Variants in CAMK4 observed in about 807,000 individuals in gnomAD.
CAMK4 encodes calcium/calmodulin-dependent protein kinase type IV.
Under a neutral mutation model 44.9 loss-of-function variants are expected in CAMK4, and 22 were observed. That is an observed-to-expected ratio of 0.49 (90% CI 0.35 to 0.70). The LOEUF (loss-of-function observed/expected upper bound fraction) is 0.70, where lower values mean the gene tolerates loss of function less well. CAMK4 is among the 30% of genes least tolerant of loss of function. CAMK4 has a pLI of 0.01. For missense variants in CAMK4, 498 were observed against 586.8 expected, an observed-to-expected ratio of 0.85 and a Z score of 1.56; for synonymous variants, 218 against 215.4, an observed-to-expected ratio of 1.01 and a Z score of -0.11.
At chr5:111,359,932 T>G (rs946389242) in intron 2 of CAMK4, among the ~76,000 whole-genome samples, 4 of 152,092 alleles carry the variant, frequency 2.6e-5, no homozygotes, top group African/African-American at 9.7e-5. Context: ...ATGATACCTT[T>G]TATTGATAAA....
At position 111,445,792 on chromosome 5, in the gene CAMK4, G is replaced by C. The variant is rs116269760; in HGVS notation, c.460-894G>C. Among the ~76,000 whole-genome samples the C allele has an allele frequency of 8.2e-3, 1,244 of 152,246 alleles. 11 individuals carry two copies. The highest frequency in any genetic ancestry group is 0.013 in the Non-Finnish European group (913 of 68,020). ...ATATAAACAAGTGACTCAGAACCTA[G>C]ATTCACTAATGCCTAGAATGCTTTT... is the stretch of plus-strand genomic sequence containing the variant. On this transcript the variant is annotated intron_variant, in intron 5 of 10. Coordinates refer to ENST00000282356, the MANE Select transcript of CAMK4 (RefSeq NM_001744.6).
intron 7 of CAMK4, among the ~76,000 whole-genome samples, chr5:111,471,240 A>G (rs998401575): frequency 6.6e-6 from 1 of 152,240 alleles, no homozygotes; most frequent in Admixed American, 6.5e-5. Flanking sequence ...TTAATTTTTC[A>G]GTCAGAATTG....
chr5:111,351,018 T>A (rs1272573587), intron 2 of CAMK4, among the ~76,000 whole-genome samples: 1 of 152,144 alleles, frequency 6.6e-6, no homozygotes, highest in Non-Finnish European at 1.5e-5. Flanking sequence ...TTTCTCAGTT[T>A]TAAAATGGGG....
intron 1 of CAMK4, among the ~76,000 whole-genome samples, chr5:111,324,332 A>T (rs557961035): frequency 1.3e-5 from 2 of 152,132 alleles, no homozygotes; most frequent in South Asian, 4.1e-4. Context: ...AGACAAATAG[A>T]ATGAAAATAA....
chr5:111,265,526 C>T (rs1312993795), intron 1 of CAMK4, among the ~76,000 whole-genome samples: 1 of 152,194 alleles, frequency 6.6e-6, no homozygotes, highest in Non-Finnish European at 1.5e-5. Flanking sequence ...TAAAATTTAG[C>T]TTCTCTCATT....
At chr5:111,321,035 G>A (rs2112694347) in intron 1 of CAMK4, among the ~76,000 whole-genome samples, 1 of 152,274 alleles carries the variant, frequency 6.6e-6, no homozygotes, top group South Asian at 2.1e-4. Context: ...ATTATAAAGA[G>A]GTGACATGAA....
At chr5:111,423,300 A>G (rs1313351637) in intron 5 of CAMK4, among the ~76,000 whole-genome samples, 1 of 152,236 alleles carries the variant, frequency 6.6e-6, no homozygotes, top group East Asian at 1.9e-4. Flanking sequence ...ATTCCACTAT[A>G]TTTTGAAAAA....
intron 1 of CAMK4, among the ~76,000 whole-genome samples, chr5:111,325,197 A>T (rs1456115965): frequency 6.6e-6 from 1 of 151,912 alleles, no homozygotes; most frequent in East Asian, 1.9e-4. Flanking sequence ...TTTTATGACT[A>T]TATTGTATTC....
intron 5 of CAMK4, among the ~76,000 whole-genome samples, chr5:111,395,102 C>A (rs1751949048): frequency 1.3e-5 from 2 of 149,774 alleles, no homozygotes; most frequent in African/African-American, 4.9e-5. Flanking sequence ...CCAACTACTT[C>A]AGGGGCTGAA....
intron 2 of CAMK4, among the ~76,000 whole-genome samples, chr5:111,352,356 C>T (rs1241992351): frequency 4.0e-5 from 2 of 49,730 alleles, no homozygotes; most frequent in African/African-American, 1.1e-4. Flanking sequence ...CAAACTCATG[C>T]TGTTCACAAA....
chr5:111,432,668 A>G (rs866328249), intron 5 of CAMK4, among the ~76,000 whole-genome samples: 4,534 of 147,746 alleles, frequency 0.031, 85 homozygotes, highest in Non-Finnish European at 0.034. Flanking sequence ...GTGTGTATAT[A>G]TATATATATA....
chr5:111,426,727 A>C (rs539104823), intron 5 of CAMK4, among the ~76,000 whole-genome samples: 1 of 152,306 alleles, frequency 6.6e-6, no homozygotes, highest in South Asian at 2.1e-4. Context: ...GAGGCACTGA[A>C]CTCAGTGCTG....
chr5:111,318,974 C>T (rs1748547622), intron 1 of CAMK4, among the ~76,000 whole-genome samples: 2 of 151,926 alleles, frequency 1.3e-5, no homozygotes, highest in African/African-American at 4.8e-5. Flanking sequence ...CCTTTTCTTC[C>T]TTCCCTTCTT....
chr5:111,453,006 C>G (rs1754289057), intron 7 of CAMK4, among the ~76,000 whole-genome samples: 1 of 152,108 alleles, frequency 6.6e-6, no homozygotes, highest in Admixed American at 6.5e-5. Context: ...AATGTAATTA[C>G]TATTATATAG....
intron 5 of CAMK4, among the ~76,000 whole-genome samples, chr5:111,427,451 C>G (rs1753267772): frequency 6.6e-6 from 1 of 152,170 alleles, no homozygotes; most frequent in Non-Finnish European, 1.5e-5. Context: ...GGGTTCTTGG[C>G]AGCTCTGATT....
rs999427362 is a variant in CAMK4, at chr5:111,490,105, T to C, written c.*5639T>C. On this transcript the variant is annotated 3_prime_UTR_variant, in exon 11 of 11. Coordinates refer to ENST00000282356, the MANE Select transcript of CAMK4 (RefSeq NM_001744.6). The stretch of plus-strand genomic sequence containing the variant: ...TGATTCATTGTGTCAAAATAACATT[T>C]AATTTTCACTCTGATTAATCTTTAT... The C allele has an allele frequency of 6.6e-6, 1 of 152,214 alleles. No homozygotes were observed. The highest frequency in any genetic ancestry group is 1.5e-5 in the Non-Finnish European group (1 of 68,036). 9.4% of individuals were successfully genotyped at this position (152,214 alleles called of 1,614,324 possible).
At chr5:111,390,349 C>G (rs1751754373) in intron 4 of CAMK4, among the ~76,000 whole-genome samples, 1 of 152,018 alleles carries the variant, frequency 6.6e-6, no homozygotes, top group South Asian at 2.1e-4. Context: ...ATATTTTATA[C>G]TTTTGACATA....
chr5:111,231,247 G>A (rs1406725842), intron 1 of CAMK4, among the ~76,000 whole-genome samples: 1 of 152,204 alleles, frequency 6.6e-6, no homozygotes, highest in Non-Finnish European at 1.5e-5. Context: ...TGGAGAGACA[G>A]TGATTCATAG....
At chr5:111,455,319 T>C (rs906193177) in intron 7 of CAMK4, among the ~76,000 whole-genome samples, 1 of 152,186 alleles carries the variant, frequency 6.6e-6, no homozygotes, top group African/African-American at 2.4e-5. Flanking sequence ...AAGGAATACA[T>C]ATATTTCATA....
Sources: allele counts gnomAD v4.1 joint callset (sites outside exome capture counted in the v4.1 genomes callset), GRCh38; gene constraint gnomAD v4.1.1; transcripts MANE v1.5; gene names NCBI Gene and HGNC (gene_info 2026-07-23, HGNC 2026-07-21).